The following ATP6V1C1 variants were observed in gnomAD, a reference collection of about 807,000 sequenced individuals.
The protein encoded by ATP6V1C1 is V-type proton ATPase subunit C 1.
A neutral mutation model predicts 53.9 loss-of-function variants in ATP6V1C1; 45 were observed. The observed-to-expected ratio is 0.83, with a 90% CI of 0.66 to 1.07. The LOEUF is 1.07. Among genes scored for constraint, ATP6V1C1 ranks in the 50% least tolerant of loss-of-function variants. The probability of loss-of-function intolerance (pLI) is 0.00; values close to 1 mark genes in which losing one functional copy is unlikely to be tolerated. For synonymous variants in ATP6V1C1, 153 were observed against 155.2 expected (o/e 0.99, Z 0.11); for missense variants, 315 against 440.3 (o/e 0.72, Z 2.55).
intron 10 of ATP6V1C1, among the ~76,000 whole-genome samples, chr8:103,063,670 A>C (rs540300597): frequency 1.3e-5 from 2 of 152,196 alleles, no homozygotes; most frequent in East Asian, 3.9e-4. Flanking sequence ...TCTTTTATTG[A>C]AGCAATTTGT....
chr8:103,064,403 C>A (rs1817453981), intron 10 of ATP6V1C1, among the ~76,000 whole-genome samples: 1 of 152,042 alleles, frequency 6.6e-6, no homozygotes, highest in African/African-American at 2.4e-5. Context: ...TTTGATTTTC[C>A]AACCTAAGGC....
chr8:103,063,947 G>GTAA, intron 10 of ATP6V1C1, among the ~76,000 whole-genome samples: 2 of 152,260 alleles, frequency 1.3e-5, no homozygotes, highest in South Asian at 4.1e-4. Flanking sequence ...TTCTAACCAA[G>GTAA]TAATGTCAAA....
intron 8 of ATP6V1C1, among the ~76,000 whole-genome samples, chr8:103,059,915 CTCT>C: frequency 6.9e-6 from 1 of 145,850 alleles, no homozygotes; most frequent in Non-Finnish European, 1.5e-5. Context: ...CCCACACACC[CTCT>C]TCTTGTACCC....
At chr8:103,040,679 A>C (rs893098863) in intron 1 of ATP6V1C1, 119 bp from the exon 2 acceptor site, 2 of 840,850 alleles carry the variant, frequency 2.4e-6, no homozygotes, top group Admixed American at 3.5e-5. Flanking sequence ...TTGAGATCCT[A>C]TGCCAACATT....
In ATP6V1C1 at chr8:103,052,769, A is replaced by G. The variant is rs755418686; in HGVS notation, c.420A>G (p.Ala140=). 2 of 1,598,094 alleles carry G rather than the reference A, an allele frequency of 1.3e-6. No individual in the cohort carries two copies. Among genetic ancestry groups the G allele is most frequent in the Non-Finnish European group, 1.7e-6 (2 of 1,173,588 alleles). Reference sequence around the variant, plus strand: ...TTGATAATGACCTGAAATCTCGAGCATCTGCATACAATAACCTGAAAGGAA... The same window carrying G: ...TTGATAATGACCTGAAATCTCGAGCGTCTGCATACAATAACCTGAAAGGAA... The part of the protein sequence containing the change: ...TQIDNDLKSR[A]SAYNNLKGNL... Residue 140 remains alanine, a synonymous_variant, in exon 6 of 13, where the codon GCA becomes GCG. Coordinates refer to ENST00000518738, the MANE Select transcript of ATP6V1C1 (RefSeq NM_001695.5).
In ATP6V1C1 at chr8:103,062,937, CT is replaced by C. The variant is rs375336829; in HGVS notation, c.642-7del. ...CAATACGTATAAATCTTTAAATGGA[CT>C]TTTTTTTTTTCCATAGTGTTCTTTC... On this transcript the variant is annotated splice_polypyrimidine_tract_variant and intron_variant, in intron 8 of 12. Coordinates refer to ENST00000518738, the MANE Select transcript of ATP6V1C1 (RefSeq NM_001695.5). 5.9e-3 allele frequency: 6,883 copies of C among 1,156,916 alleles called. 8 individuals are homozygous for C. Among genetic ancestry groups the C allele is most frequent in the African/African-American group, 0.016 (1,051 of 64,054 alleles). The allele number at this position is 1,156,916 out of a possible 1,614,324, so 71.7% of individuals were successfully genotyped here.
Position 103,071,527 on chromosome 8 carries a change from C to G in ATP6V1C1, c.*2780C>G, listed in dbSNP as rs1817586732. ...GAATGAGCCAGACACATTGCTTAAC[C>G]TGAGTCCGAGATGGACAATGGTATA... On this transcript the variant is annotated 3_prime_UTR_variant, in exon 13 of 13. Transcript: ENST00000518738. 1 of 152,228 alleles carries G rather than the reference C, an allele frequency of 6.6e-6. No homozygotes were observed. The highest frequency in any genetic ancestry group is 2.4e-5 in the African/African-American group (1 of 41,460). The allele number at this position is 152,228 out of a possible 1,614,324, so 9.4% of individuals were successfully genotyped here.
At chr8:103,029,252 C>T (rs1242665413) in intron 1 of ATP6V1C1, among the ~76,000 whole-genome samples, 4 of 149,942 alleles carry the variant, frequency 2.7e-5, no homozygotes, top group African/African-American at 9.8e-5. Flanking sequence ...GTTCTTTCTT[C>T]CTTCCTTCCT....
chr8:103,026,544 G>A (rs757209036), intron 1 of ATP6V1C1, among the ~76,000 whole-genome samples: 46 of 152,190 alleles, frequency 3.0e-4, no homozygotes, highest in Non-Finnish European at 5.6e-4. Context: ...GGTGGCTCAC[G>A]CCTGTAATCC....
chr8:103,041,086 ATTGGCATGATTTAAAATGTGTCTTCT>A, intron 2 of ATP6V1C1, 118 bp downstream of exon 2: 1 of 1,167,632 alleles, frequency 8.6e-7, no homozygotes, highest in African/African-American at 1.6e-5. Flanking sequence ...CTCTCCAGCC[ATTGGCATGATTTAAAATGTGTCTTCT>A]TTGAAATTTT....
At chr8:103,024,904 G>T (rs2131379202) in intron 1 of ATP6V1C1, among the ~76,000 whole-genome samples, 1 of 152,250 alleles carries the variant, frequency 6.6e-6, no homozygotes, top group Non-Finnish European at 1.5e-5. Flanking sequence ...AAAAAAATGA[G>T]CCAGGTAGGC....
intron 1 of ATP6V1C1, among the ~76,000 whole-genome samples, chr8:103,030,303 G>A (rs1816774823): frequency 6.6e-6 from 1 of 152,124 alleles, no homozygotes; most frequent in African/African-American, 2.4e-5. Context: ...CCTGTTTTCT[G>A]TTAAATGTTA....
At chr8:103,061,653 T>C (rs557437435) in intron 8 of ATP6V1C1, among the ~76,000 whole-genome samples, 27 of 152,192 alleles carry the variant, frequency 1.8e-4, no homozygotes, top group Non-Finnish European at 2.2e-4. Flanking sequence ...TATGCGTATG[T>C]CCACACTTCA....
At chr8:103,067,239 A>C (rs1586330764) in intron 12 of ATP6V1C1, among the ~76,000 whole-genome samples, 1 of 151,654 alleles carries the variant, frequency 6.6e-6, no homozygotes, top group East Asian at 2.0e-4. Context: ...TCTCTACTAG[A>C]AATACAATAA....
Position 103,051,033 on chromosome 8 carries a change from T to G in ATP6V1C1, c.287-17T>G, listed in dbSNP as rs1817191936. 2 of 1,513,968 alleles carry G rather than the reference T, an allele frequency of 1.3e-6. No homozygotes were observed. The highest frequency in any genetic ancestry group is 4.5e-5 in the East Asian group (2 of 44,218). 93.8% of individuals were successfully genotyped at this position (1,513,968 alleles called of 1,614,324 possible). The stretch of plus-strand genomic sequence containing the variant: ...CTATTGTTTTTCTTCAGTAATTAAT[T>G]TATTCCCTTATTTCAGTGGACTTGG... On this transcript the variant is annotated splice_polypyrimidine_tract_variant and intron_variant, in intron 4 of 12. Transcript: ENST00000518738.
chr8:103,043,353 C>T (rs7825210), intron 3 of ATP6V1C1, among the ~76,000 whole-genome samples: 4,814 of 152,176 alleles, frequency 0.032, 253 homozygotes, highest in African/African-American at 0.11. Context: ...GACGGAGTCT[C>T]GCTCTGTCGC....
At chr8:103,061,462 A>T (rs962445470) in intron 8 of ATP6V1C1, among the ~76,000 whole-genome samples, 25 of 152,232 alleles carry the variant, frequency 1.6e-4, no homozygotes, top group Non-Finnish European at 3.5e-4. Context: ...TTAATATAGT[A>T]TCTTTAAATT....
intron 8 of ATP6V1C1, among the ~76,000 whole-genome samples, chr8:103,061,369 A>G (rs1045202288): frequency 6.6e-6 from 1 of 152,192 alleles, no homozygotes; most frequent in African/African-American, 2.4e-5. Flanking sequence ...TGTGATTAAC[A>G]CTGTAATTGC....
intron 6 of ATP6V1C1, among the ~76,000 whole-genome samples, 161 bp downstream of exon 6, chr8:103,052,983 T>C (rs1177730482): frequency 6.6e-6 from 1 of 152,008 alleles, no homozygotes; most frequent in Non-Finnish European, 1.5e-5. Flanking sequence ...AAGGTAAGTT[T>C]ATAGAATTCA....
Sources: allele counts gnomAD v4.1 joint callset (sites outside exome capture counted in the v4.1 genomes callset), GRCh38; gene constraint gnomAD v4.1.1; transcripts MANE v1.5; gene names NCBI Gene and HGNC (gene_info 2026-07-23, HGNC 2026-07-21).